The following DQX1 variants were observed in gnomAD, a reference collection of about 807,000 sequenced individuals.
The protein encoded by DQX1 is DEAQ-box RNA dependent ATPase 1.
A neutral mutation model predicts 81.3 loss-of-function variants in DQX1; 66 were observed. That is an observed-to-expected ratio of 0.81 (90% CI 0.67 to 1.00). The LOEUF (loss-of-function observed/expected upper bound fraction) is 1.00, where lower values mean the gene tolerates loss of function less well. Among genes scored for constraint, DQX1 ranks in the 50% least tolerant of loss-of-function variants. DQX1 has a pLI of 0.00. For missense variants in DQX1, 798 were observed against 867.9 expected, an observed-to-expected ratio of 0.92 and a Z score of 1.01; for synonymous variants, 290 against 350.0, an observed-to-expected ratio of 0.83 and a Z score of 1.91.
rs771326971 is a variant in DQX1 at position 74,518,607 on chromosome 2, TAGAG to T, written c.1998-9_1998-6del. 1.0e-4 allele frequency: 164 copies of T among 1,613,670 alleles called. 1 individual carries two copies. The highest frequency in any genetic ancestry group is 4.9e-4 in the Middle Eastern group (3 of 6,082). ...GGAGGGGCCAATTCCACCAGCCTAA[TAGAG>T]AGAGTCATAATTAGATGATCTGCAT... On this transcript the variant is annotated splice_polypyrimidine_tract_variant and splice_region_variant and intron_variant, in intron 11 of 11. Coordinates refer to ENST00000404568, the MANE Select transcript of DQX1 (RefSeq NM_133637.3).
Position 74,523,217 on chromosome 2 carries a change from A to G in DQX1, c.1046T>C (p.Val349Ala). The change falls in exon 6 of 12, where the codon GTT (valine) becomes GCT (alanine). Residue 349 changes from valine to alanine, a missense_variant and splice_region_variant. Coordinates refer to ENST00000404568, the MANE Select transcript of DQX1 (RefSeq NM_133637.3). The part of the protein sequence containing the change: ...VIDSGLELRS[V>A]YNPRIRAEFQ... ...TTCTGCTCGGATCCTAGGATTGTAA[A>G]CCTGTTGCCCGTCCCCCAACCAAGG... The G allele has an allele frequency of 6.2e-7, 1 of 1,614,028 alleles. No individual in the cohort carries two copies. Among genetic ancestry groups the G allele is most frequent in the Non-Finnish European group, 8.5e-7 (1 of 1,180,002 alleles).
Position 74,519,941 on chromosome 2 carries a change from A to C in DQX1, c.1589T>G (p.Ile530Ser). The C allele has an allele frequency of 2.5e-6, 4 of 1,614,224 alleles. No homozygotes were observed. The highest frequency in any genetic ancestry group is 3.4e-6 in the Non-Finnish European group (4 of 1,180,028). Residue 530 changes from isoleucine to serine, a missense_variant, in exon 9 of 12, where the codon ATC (isoleucine) becomes AGC (serine). Coordinates refer to ENST00000404568, the MANE Select transcript of DQX1 (RefSeq NM_133637.3). ...EHTDGDHSSLIQVYEAFIQSG... is the reference protein window; with the variant it reads ...EHTDGDHSSLSQVYEAFIQSG... ...TTGTATAAAGGCTTCATACACCTGG[A>C]TCAGAGAACTGTGGTCACCATCCGT... is the stretch of plus-strand genomic sequence containing the variant.
In DQX1 at chr2:74,523,199, C is replaced by G; in HGVS notation, c.1064G>C (p.Arg355Pro). The G allele has an allele frequency of 1.2e-6, 2 of 1,614,162 alleles. No individual in the cohort carries two copies. Among genetic ancestry groups the G allele is most frequent in the Admixed American group, 1.7e-5 (1 of 60,026 alleles). ...TGGCCTCAACACTTGGAATTCTGCT[C>G]GGATCCTAGGATTGTAAACCTGTTG... ...ELRSVYNPRIRAEFQVLRPIS... is the reference protein window; with the variant it reads ...ELRSVYNPRIPAEFQVLRPIS... Residue 355 changes from arginine to proline, a missense_variant, in exon 6 of 12, where the codon CGA (arginine) becomes CCA (proline). By Grantham distance (103) the Arg-to-Pro change is moderately radical. Coordinates refer to ENST00000404568, the MANE Select transcript of DQX1 (RefSeq NM_133637.3).
chr2:74,521,335 C>T (rs1015807727), intron 8 of DQX1, among the ~76,000 whole-genome samples: 1 of 152,114 alleles, frequency 6.6e-6, no homozygotes, highest in African/African-American at 2.4e-5. Context: ...AGCTGAGGTA[C>T]TGTTAACTAT....
chr2:74,526,165 G>C lies in DQX1; in HGVS notation c.-49C>G, dbSNP rs1259324160. ...TTGCAGCTCTAGGACGTGTCAGGAC[G>C]GCAGTCAGCTCCAGACCCACGTAGT... On this transcript the variant is annotated 5_prime_UTR_variant, in exon 1 of 12. Transcript: ENST00000404568. 5.6e-6 allele frequency: 1 copy of C among 177,200 alleles called. No homozygotes were observed. The highest frequency in any genetic ancestry group is 2.4e-5 in the African/African-American group (1 of 41,880). The allele number at this position is 177,200 out of a possible 1,614,324, so 11.0% of individuals were successfully genotyped here.
intron 11 of DQX1, 73 bp from the exon 12 acceptor site, chr2:74,518,675 C>T (rs1171861323): frequency 6.8e-7 from 1 of 1,460,918 alleles, no homozygotes; most frequent in Non-Finnish European, 9.4e-7. Flanking sequence ...GAGACAGGGT[C>T]TCGCTCTGTT....
In DQX1 at chr2:74,524,189, C is replaced by T; in HGVS notation, c.550G>A (p.Gly184Arg). Residue 184 changes from glycine (G) to arginine (R), a missense_variant, in exon 4 of 12, where the codon GGG becomes AGG. Gly to Arg is a moderately radical substitution (Grantham distance 125, BLOSUM62 -2). Coordinates refer to ENST00000404568, the MANE Select transcript of DQX1 (RefSeq NM_133637.3). ...TCCAGCCTGGCATCTTGCAGTAGCC[C>T]CTGGAGTGAATCTGATGCCACCGAC... ...ERSVASDSLQ[G>R]LLQDARLEKL... 6.2e-7 allele frequency: 1 copy of T among 1,614,156 alleles called. No homozygotes were observed. The highest frequency in any genetic ancestry group is 8.5e-7 in the Non-Finnish European group (1 of 1,180,024).
In DQX1 at chr2:74,519,937, C is replaced by T; in HGVS notation, c.1593G>A (p.Gln531=). 6.2e-7 allele frequency: 1 copy of T among 1,614,166 alleles called. No individual in the cohort carries two copies. The highest frequency in any genetic ancestry group is 8.5e-7 in the Non-Finnish European group (1 of 1,180,014). ...CACTTTGTATAAAGGCTTCATACAC[C>T]TGGATCAGAGAACTGTGGTCACCAT... ...HTDGDHSSLI[Q]VYEAFIQSGA... Residue 531 remains glutamine (Q), a synonymous_variant, in exon 9 of 12, where the codon CAG becomes CAA. Transcript: ENST00000404568.
Position 74,519,048 on chromosome 2 carries a change from T to C in DQX1, c.1989A>G (p.Gln663=), listed in dbSNP as rs756434888. Residue 663 remains glutamine (Q), a synonymous_variant, in exon 11 of 12, where the codon CAA becomes CAG. Coordinates refer to ENST00000404568, the MANE Select transcript of DQX1 (RefSeq NM_133637.3). ...DNCLSIVSEI[Q]PQMLVELAPP... ...GATGTCAGGGAACTCACATCTGTGG[T>C]TGAATCTCAGAAACAATGGAAAGGC... The C allele has an allele frequency of 5.1e-6, 8 of 1,581,198 alleles. No individual in the cohort carries two copies. Among genetic ancestry groups the C allele is most frequent in the African/African-American group, 4.1e-5 (3 of 73,802 alleles).
Position 74,523,168 on chromosome 2 carries a change from G to C in DQX1, c.1095C>G (p.Ser365Arg). ...ATCGTCTTGCCTCTGCCTGACACTT[G>C]CTGATTGGCCTCAACACTTGGAATT... ...RAEFQVLRPI[S>R]KCQAEARRLR... Residue 365 changes from serine to arginine, a missense_variant, in exon 6 of 12, where the codon AGC (serine) becomes AGG (arginine). Coordinates refer to ENST00000404568, the MANE Select transcript of DQX1 (RefSeq NM_133637.3). The C allele has an allele frequency of 6.2e-7, 1 of 1,614,178 alleles. No individual in the cohort carries two copies. Among genetic ancestry groups the C allele is most frequent in the Non-Finnish European group, 8.5e-7 (1 of 1,180,026 alleles).
At chr2:74,523,241 G>T in intron 5 of DQX1, 23 bp from the exon 6 acceptor site, 1 of 1,614,112 alleles carries the variant, frequency 6.2e-7, no homozygotes, top group Non-Finnish European at 8.5e-7. Context: ...CCCCAACCAA[G>T]GCCAAGACAG....
intron 3 of DQX1, among the ~76,000 whole-genome samples, 173 bp downstream of exon 3, chr2:74,524,836 T>C (rs902805629): frequency 1.3e-5 from 2 of 152,100 alleles, no homozygotes; most frequent in African/African-American, 4.8e-5. Flanking sequence ...TGAGTTGTGA[T>C]TGCACCACTG....
chr2:74,521,813 G>A lies in DQX1; in HGVS notation c.1495+767C>T, dbSNP rs1004231660. Among the ~76,000 whole-genome samples, 13 of 135,056 alleles carry A rather than the reference G, an allele frequency of 9.6e-5. No homozygotes were observed. The East Asian group carries it at 1.7e-3, about 18-fold the overall frequency. 88.6% of individuals were successfully genotyped at this position (135,056 alleles called of 152,430 possible). A position where few individuals can be genotyped will look rare whatever the true frequency, so the allele number is the denominator to read the frequency against. On this transcript the variant is annotated intron_variant, in intron 8 of 11. Coordinates refer to ENST00000404568, the MANE Select transcript of DQX1 (RefSeq NM_133637.3). Reference sequence around the variant, plus strand: ...TCCCTCTCTCCCCCTCTCCCCATGCGTCTCTCCCTTGCTCTCTCTCTGTCT... The same window carrying A: ...TCCCTCTCTCCCCCTCTCCCCATGCATCTCTCCCTTGCTCTCTCTCTGTCT...
Position 74,525,105 on chromosome 2 carries a change from G to A in DQX1, c.335C>T (p.Ala112Val). ...GTCCATCTCATCAGCAACCCGCAGA[G>A]CCAGGCTCCGGGCTGCAAGAGGGTA... ...QPYPLAARSL[A>V]LRVADEMDLT... The change falls in exon 3 of 12, where the codon GCT (alanine) becomes GTT (valine). Residue 112 changes from alanine (A) to valine (V), a missense_variant. Coordinates refer to ENST00000404568, the MANE Select transcript of DQX1 (RefSeq NM_133637.3). This position sits in a 1 kb window ranked among gnomAD's most constrained non-coding sequence, Gnocchi z 4.1. 1.9e-6 allele frequency: 3 copies of A among 1,614,068 alleles called. No individual in the cohort carries two copies. Among genetic ancestry groups the A allele is most frequent in the South Asian group, 1.1e-5 (1 of 91,074 alleles).
chr2:74,519,639 G>A lies in DQX1; in HGVS notation c.1723C>T (p.Leu575Phe). Reference protein sequence around the residue: ...ELLELMQRIELPLSLPAFGSE... With the variant: ...ELLELMQRIEFPLSLPAFGSE... ...CCAAAGGCTGGTAGGGACAAGGGAAGTTCAATTCGTTGCATGAGTTCTAGG... is the reference window on the plus strand; with the variant it reads ...CCAAAGGCTGGTAGGGACAAGGGAAATTCAATTCGTTGCATGAGTTCTAGG... The change falls in exon 10 of 12, where the codon CTT becomes TTT. Residue 575 changes from leucine (L) to phenylalanine (F), a missense_variant. Leu to Phe is a conservative substitution (Grantham distance 22, BLOSUM62 0). Coordinates refer to ENST00000404568, the MANE Select transcript of DQX1 (RefSeq NM_133637.3). The A allele has an allele frequency of 6.2e-7, 1 of 1,614,252 alleles. No homozygotes were observed. Among genetic ancestry groups the A allele is most frequent in the Middle Eastern group, 1.6e-4 (1 of 6,062 alleles).
Position 74,518,326 on chromosome 2 carries a change from C to G in DQX1, c.*120G>C. ...CTACCATTTCTTGGGACTCAGGTTC[C>G]AGGGTTTACATTTGACCCTAAACTT... On this transcript the variant is annotated 3_prime_UTR_variant, in exon 12 of 12. Coordinates refer to ENST00000404568, the MANE Select transcript of DQX1 (RefSeq NM_133637.3). 1 of 1,234,342 alleles carries G rather than the reference C, an allele frequency of 8.1e-7. No individual in the cohort carries two copies. Among genetic ancestry groups the G allele is most frequent in the Non-Finnish European group, 1.1e-6 (1 of 887,678 alleles). 76.5% of individuals were successfully genotyped at this position (1,234,342 alleles called of 1,614,324 possible).
At position 74,523,551 on chromosome 2, in the gene DQX1, T is replaced by C. The variant is rs758380492; in HGVS notation, c.817-14A>G. ...CAGGGAAATTTCCTGAGAAGAAGGGTGGGTGGGGCATTAGGGCAGTTCTCA... is the reference window on the plus strand; with the variant it reads ...CAGGGAAATTTCCTGAGAAGAAGGGCGGGTGGGGCATTAGGGCAGTTCTCA... On this transcript the variant is annotated splice_polypyrimidine_tract_variant and intron_variant, in intron 4 of 11. Coordinates refer to ENST00000404568, the MANE Select transcript of DQX1 (RefSeq NM_133637.3). 6.6e-7 allele frequency: 1 copy of C among 1,523,684 alleles called. No homozygotes were observed. Among genetic ancestry groups the C allele is most frequent in the South Asian group, 1.1e-5 (1 of 89,280 alleles). 94.4% of individuals were successfully genotyped at this position (1,523,684 alleles called of 1,614,324 possible). A position where few individuals can be genotyped will look rare whatever the true frequency, so the allele number is the denominator to read the frequency against.
Position 74,522,628 on chromosome 2 carries a change from C to T in DQX1, c.1447G>A (p.Glu483Lys), listed in dbSNP as rs763800005. 9.3e-6 allele frequency: 15 copies of T among 1,614,052 alleles called. No homozygotes were observed. The highest frequency in any genetic ancestry group is 4.0e-5 in the African/African-American group (3 of 74,916). ...AGCATCTCGTCCACACAGTCAAACT[C>T]GCATGAGGCCAGCAGGGCTTTGGCC... is the stretch of plus-strand genomic sequence containing the variant. The part of the protein sequence containing the change: ...ELAKALLASC[E>K]FDCVDEMLTL... The change falls in exon 8 of 12, where the codon GAG (glutamate) becomes AAG (lysine). Residue 483 changes from glutamate (E) to lysine (K), a missense_variant. Physicochemically the swap from Glu to Lys is moderately conservative, Grantham distance 56. Transcript: ENST00000404568.
At position 74,525,022 on chromosome 2, in the gene DQX1, T is replaced by G; in HGVS notation, c.418A>C (p.Asn140His). ...SIPQEDCTGP[N>H]TLLRFCWDRL... is the part of the protein sequence containing the mutation. The stretch of plus-strand genomic sequence containing the variant: ...AGAGGCCCCCACCTGAGCAGGGTGT[T>G]GGGCCCCGTGCAGTCCTCCTGGGGG... Residue 140 changes from asparagine (N) to histidine (H), a missense_variant, in exon 3 of 12, where the codon AAC (asparagine) becomes CAC (histidine). Asn to His is a moderately conservative substitution (Grantham distance 68). Coordinates refer to ENST00000404568, the MANE Select transcript of DQX1 (RefSeq NM_133637.3). This position sits in a 1 kb window ranked among gnomAD's most constrained non-coding sequence, Gnocchi z 4.1. 2 of 1,613,952 alleles carry G rather than the reference T, an allele frequency of 1.2e-6. No individual in the cohort carries two copies. The highest frequency in any genetic ancestry group is 1.7e-6 in the Non-Finnish European group (2 of 1,179,924).
Sources: allele counts gnomAD v4.1 joint callset (sites outside exome capture counted in the v4.1 genomes callset), GRCh38; gene constraint gnomAD v4.1.1; non-coding constraint Gnocchi (gnomAD v3.1); transcripts MANE v1.5; gene names NCBI Gene and HGNC (gene_info 2026-07-23, HGNC 2026-07-21).